The following EPB41L5 variants were observed in gnomAD, a reference collection of about 807,000 sequenced individuals.
The protein encoded by EPB41L5 is erythrocyte membrane protein band 4.1 like 5, also known as band 4.1-like protein 5.
EPB41L5 carries 55 observed loss-of-function variants against 106.6 expected under a neutral mutation model. The observed-to-expected ratio is 0.52, with a 90% CI of 0.42 to 0.65. The LOEUF (loss-of-function observed/expected upper bound fraction) is 0.65. Among genes scored for constraint, EPB41L5 ranks in the 30% least tolerant of loss-of-function variants. The pLI, the probability that EPB41L5 is intolerant of heterozygous loss-of-function variation, is 0.00. For synonymous variants in EPB41L5, 297 were observed against 306.7 expected, an observed-to-expected ratio of 0.97 and a Z score of 0.33; for missense variants, 871 against 882.1, an observed-to-expected ratio of 0.99 and a Z score of 0.16.
At chr2:120,082,153 A>G (rs1682717436) in intron 10 of EPB41L5, among the ~76,000 whole-genome samples, 1 of 152,156 alleles carries the variant, frequency 6.6e-6, no homozygotes, top group African/African-American at 2.4e-5. Context: ...TATGTTGAAT[A>G]GGAGTGGTGA....
chr2:120,155,797 T>C (rs1686874662), intron 20 of EPB41L5, among the ~76,000 whole-genome samples: 1 of 151,576 alleles, frequency 6.6e-6, no homozygotes, highest in South Asian at 2.1e-4. Flanking sequence ...GTGATTTTTT[T>C]ATTAAAAAAA....
intron 20 of EPB41L5, 69 bp from the exon 21 acceptor site, chr2:120,160,812 C>T: frequency 8.8e-7 from 1 of 1,142,112 alleles, no homozygotes; most frequent in Non-Finnish European, 1.3e-6. Flanking sequence ...TTCCTAAGCC[C>T]TTTCTTTGAA....
intron 10 of EPB41L5, among the ~76,000 whole-genome samples, chr2:120,086,657 C>T (rs1177391762): frequency 1.3e-5 from 2 of 152,158 alleles, no homozygotes; most frequent in African/African-American, 4.8e-5. Context: ...AGGAGGATTA[C>T]TGGAGCCTGG....
intron 2 of EPB41L5, among the ~76,000 whole-genome samples, chr2:120,031,951 T>C (rs1327378828): frequency 6.6e-6 from 1 of 152,068 alleles, no homozygotes; most frequent in Non-Finnish European, 1.5e-5. Flanking sequence ...GCCTGTCCAA[T>C]GTAGCCAGAC....
rs756025079 is a variant in EPB41L5 at position 120,143,018 on chromosome 2, T to G, written c.1615T>G (p.Leu539Val). Residue 539 changes from leucine (L) to valine (V), a missense_variant, in exon 19 of 25, where the codon TTG (leucine) becomes GTG (valine). Coordinates refer to ENST00000263713, the MANE Select transcript of EPB41L5 (RefSeq NM_020909.4). ...NINSQEEVVK[L>V]TEKCLNNVIE... is the part of the protein sequence containing the mutation. Reference sequence around the variant, plus strand: ...AAATATCTAGGAGGAAGTGGTGAAGTTGACTGAGAAATGCCTTAATAATGT... The same window carrying G: ...AAATATCTAGGAGGAAGTGGTGAAGGTGACTGAGAAATGCCTTAATAATGT... 1.7e-5 allele frequency: 27 copies of G among 1,612,520 alleles called. No individual in the cohort carries two copies. In the Admixed American group the frequency reaches 2.2e-4, roughly 13 times the overall value.
intron 2 of EPB41L5, among the ~76,000 whole-genome samples, chr2:120,026,822 A>G (rs1678354903): frequency 6.6e-6 from 1 of 152,252 alleles, no homozygotes; most frequent in Non-Finnish European, 1.5e-5. Context: ...AAGAGAAAGT[A>G]TTTGCAAATT....
At chr2:120,045,955 T>G (rs1679743895) in intron 3 of EPB41L5, among the ~76,000 whole-genome samples, 1 of 152,184 alleles carries the variant, frequency 6.6e-6, no homozygotes, top group South Asian at 2.1e-4. Context: ...GATGGTTTCC[T>G]GCTTCATCCA....
chr2:120,120,639 G>GAA, intron 16 of EPB41L5, among the ~76,000 whole-genome samples: 1 of 151,654 alleles, frequency 6.6e-6, no homozygotes, highest in Non-Finnish European at 1.5e-5. Flanking sequence ...AAGAAAGAAA[G>GAA]AAACAGACCA....
At chr2:120,142,430 A>G (rs551457075) in intron 18 of EPB41L5, among the ~76,000 whole-genome samples, 1 of 152,128 alleles carries the variant, frequency 6.6e-6, no homozygotes, top group Non-Finnish European at 1.5e-5. Context: ...ACTTTGTTTT[A>G]AAAGCATAAA....
At chr2:120,086,168 T>G (rs1683040343) in intron 10 of EPB41L5, among the ~76,000 whole-genome samples, 1 of 152,230 alleles carries the variant, frequency 6.6e-6, no homozygotes, top group African/African-American at 2.4e-5. Flanking sequence ...GCCACTGCAC[T>G]CCAGCCTTTG....
At chr2:120,087,833 T>A (rs1348082044) in intron 11 of EPB41L5, among the ~76,000 whole-genome samples, 12 of 152,146 alleles carry the variant, frequency 7.9e-5, no homozygotes, top group Admixed American at 7.2e-4. Flanking sequence ...TACCTAATAA[T>A]AATAAAGCCT....
chr2:120,085,277 T>C (rs1574629304), intron 10 of EPB41L5, among the ~76,000 whole-genome samples: 1 of 152,216 alleles, frequency 6.6e-6, no homozygotes, highest in African/African-American at 2.4e-5. Context: ...TCTTTGATGA[T>C]GGTGATGTAC....
intron 3 of EPB41L5, among the ~76,000 whole-genome samples, chr2:120,047,071 G>C (rs1266976651): frequency 6.6e-6 from 1 of 152,114 alleles, no homozygotes; most frequent in Non-Finnish European, 1.5e-5. Context: ...TAGCCTTGTA[G>C]TATGGTATGA....
chr2:120,025,638 T>C (rs1185360171), intron 2 of EPB41L5, among the ~76,000 whole-genome samples: 1 of 152,212 alleles, frequency 6.6e-6, no homozygotes, highest in African/African-American at 2.4e-5. Context: ...TATATAGTTA[T>C]ACTTTTAAAT....
At chr2:120,086,916 A>G (rs2105356170) in intron 10 of EPB41L5, among the ~76,000 whole-genome samples, 1 of 152,284 alleles carries the variant, frequency 6.6e-6, no homozygotes, top group South Asian at 2.1e-4. Flanking sequence ...TATCAAATAC[A>G]TAGATTTCAT....
At chr2:120,101,554 T>G (rs1256492293) in intron 16 of EPB41L5, 1 of 152,186 alleles carries the variant, frequency 6.6e-6, no homozygotes, top group Non-Finnish European at 1.5e-5. Context: ...ATTTTGATAA[T>G]TCATAGGATT....
At chr2:120,166,352 T>C (rs1264052665) in intron 22 of EPB41L5, among the ~76,000 whole-genome samples, 1 of 152,216 alleles carries the variant, frequency 6.6e-6, no homozygotes, top group East Asian at 1.9e-4. Context: ...TGTGGAAAAG[T>C]CTGTCAAACT....
intron 2 of EPB41L5, among the ~76,000 whole-genome samples, chr2:120,024,178 T>C (rs1484023980): frequency 1.3e-5 from 2 of 152,200 alleles, no homozygotes; most frequent in Admixed American, 6.5e-5. Context: ...TTTCTTTCTC[T>C]TGCTTGATTG....
intron 22 of EPB41L5, 48 bp from the exon 23 acceptor site, chr2:120,167,418 A>T (rs1687464548): frequency 6.8e-7 from 1 of 1,472,446 alleles, no homozygotes. Context: ...GTATGAAAAT[A>T]AGTCAGTCTT....
Sources: allele counts gnomAD v4.1 joint callset (sites outside exome capture counted in the v4.1 genomes callset), GRCh38; gene constraint gnomAD v4.1.1; transcripts MANE v1.5; gene names NCBI Gene and HGNC (gene_info 2026-07-23, HGNC 2026-07-21).